FBF1: variants seen among roughly 807,000 people sequenced by gnomAD.
FBF1 encodes the protein Fas binding factor 1.
Under a neutral mutation model 147.2 loss-of-function variants are expected in FBF1, and 119 were observed. The ratio of observed to expected loss-of-function variants is 0.81; its 90% CI spans 0.70 to 0.94. The LOEUF (loss-of-function observed/expected upper bound fraction) is 0.94, where lower values mean the gene tolerates loss of function less well. Among genes scored for constraint, FBF1 ranks in the 40% least tolerant of loss-of-function variants. The pLI is 0.00. For synonymous variants in FBF1, 601 were observed against 609.0 expected (o/e 0.99, Z 0.19); for missense variants, 1,449 against 1,500.8 (o/e 0.97, Z 0.57).
intron 4 of FBF1, among the ~76,000 whole-genome samples, chr17:75,934,406 C>T (rs1016073450): frequency 1.3e-5 from 2 of 151,938 alleles, no homozygotes; most frequent in South Asian, 2.1e-4. Flanking sequence ...ACTAAAAATA[C>T]AAAAAGTAGC....
rs957078502 is a variant in FBF1 at position 75,920,334 on chromosome 17, G to A, written c.1770C>T (p.Pro590=). The change falls in exon 18 of 30, where the codon CCC becomes CCT. Residue 590 remains proline, a synonymous_variant. Coordinates refer to ENST00000636174, the MANE Select transcript of FBF1 (RefSeq NM_001319193.2). ...LAAQVQLQCS[P]AELQAELLHS... is the part of the protein sequence containing the mutation. ...GCAGCAGCTCGGCCTGGAGCTCAGC[G>A]GGGCTGCACTGAAGTTGCACCTGTG... 21 of 1,610,308 alleles carry A rather than the reference G, an allele frequency of 1.3e-5. No individual in the cohort carries two copies. Among genetic ancestry groups the A allele is most frequent in the African/African-American group, 6.7e-5 (5 of 74,876 alleles).
rs754597113 is a variant in FBF1 at position 75,917,926 on chromosome 17, C to T, written c.2386+5G>A. 2.1e-5 allele frequency: 33 copies of T among 1,594,360 alleles called. No individual in the cohort carries two copies. In the South Asian group the frequency reaches 2.5e-4, roughly 12 times the overall value. ...AGCCGGGGTGGCTGAGAGGGGAGGG[C>T]GTACCCCGCAGCTGCTCGTCACGCT... On this transcript the variant is annotated splice_donor_5th_base_variant and intron_variant, in intron 22 of 29. Coordinates refer to ENST00000636174, the MANE Select transcript of FBF1 (RefSeq NM_001319193.2).
In FBF1 at chr17:75,925,286, G is replaced by GA; in HGVS notation, c.968+60_968+61insT. ...GGTGGGACAGGGGACAGCTGCAGGGGCCTGTCTTCCCAGTGGCCGACCTGT... is the reference window on the plus strand; with the variant it reads ...GGTGGGACAGGGGACAGCTGCAGGGGACCTGTCTTCCCAGTGGCCGACCTGT... On this transcript the variant is annotated intron_variant, in intron 13 of 29. Transcript: ENST00000636174. The surrounding 1 kb of genome is among the most constrained non-coding windows in gnomAD (Gnocchi z 5.0). 1 of 1,325,160 alleles carries GA rather than the reference G, an allele frequency of 7.5e-7. No homozygotes were observed. The highest frequency in any genetic ancestry group is 1.1e-6 in the Non-Finnish European group (1 of 941,594). 82.1% of individuals were successfully genotyped at this position (1,325,160 alleles called of 1,614,324 possible).
intron 7 of FBF1, among the ~76,000 whole-genome samples, chr17:75,929,459 G>A (rs932485181): frequency 6.6e-6 from 1 of 152,190 alleles, no homozygotes; most frequent in African/African-American, 2.4e-5. Flanking sequence ...AAAACCCCAA[G>A]GGTCAGACAG....
In FBF1 at chr17:75,919,528, C is replaced by A. The variant is rs1451557079; in HGVS notation, c.2138+140G>T. 2 of 947,876 alleles carry A rather than the reference C, an allele frequency of 2.1e-6. No homozygotes were observed. Among genetic ancestry groups the A allele is most frequent in the Non-Finnish European group, 3.1e-6 (2 of 638,292 alleles). The allele number at this position is 947,876 out of a possible 1,614,324, so 58.7% of individuals were successfully genotyped here. A position where few individuals can be genotyped will look rare whatever the true frequency, so the allele number is the denominator to read the frequency against. On this transcript the variant is annotated intron_variant, in intron 20 of 29. Transcript: ENST00000636174. This position sits in a 1 kb window ranked among gnomAD's most constrained non-coding sequence, Gnocchi z 5.0. ...TGGGTCAGTGTGCTCAGCCCTCAGT[C>A]CTCACTCACTGGACTGGGAGGGAAG...
intron 17 of FBF1, 60 bp downstream of exon 17, chr17:75,921,184 C>T (rs947115790): frequency 2.2e-5 from 34 of 1,518,220 alleles, no homozygotes; most frequent in Non-Finnish European, 2.8e-5. Flanking sequence ...GGGTATTGCC[C>T]CTGGGCATGG....
At position 75,919,967 on chromosome 17, in the gene FBF1, T is replaced by G. The variant is rs1186334836; in HGVS notation, c.1931+40A>C. On this transcript the variant is annotated intron_variant, in intron 19 of 29. Transcript: ENST00000636174. This position sits in a 1 kb window ranked among gnomAD's most constrained non-coding sequence, Gnocchi z 5.0. Reference sequence around the variant, plus strand: ...CACACTGGGTGGCCTTTGGGGTCAGTGTGAGATCCAAGGCAGAGCTGGGGC... The same window carrying G: ...CACACTGGGTGGCCTTTGGGGTCAGGGTGAGATCCAAGGCAGAGCTGGGGC... 6.2e-7 allele frequency: 1 copy of G among 1,609,828 alleles called. No individual in the cohort carries two copies. The highest frequency in any genetic ancestry group is 1.1e-5 in the South Asian group (1 of 90,946).
chr17:75,935,187 C>T (rs541081127), intron 4 of FBF1, among the ~76,000 whole-genome samples: 93 of 143,768 alleles, frequency 6.5e-4, no homozygotes, highest in Non-Finnish European at 1.1e-3. Context: ...TTTTTTGAGA[C>T]GGAGTCTCGC....
intron 15 of FBF1, 117 bp downstream of exon 15, chr17:75,921,828 T>C (rs2144170328): frequency 1.1e-6 from 1 of 908,476 alleles, no homozygotes; most frequent in Non-Finnish European, 1.7e-6. Context: ...AGCCTCTGTG[T>C]GGGACACGGG....
rs61744136 is a variant in FBF1, at chr17:75,921,991, C to T, written c.1480G>A (p.Gly494Arg). Residue 494 changes from glycine to arginine, a missense_variant, in exon 15 of 30, where the codon GGA (glycine) becomes AGA (arginine). By Grantham distance (125) the Gly-to-Arg change is moderately radical (BLOSUM62 -2). Transcript: ENST00000636174. ...LEHAAAGGSS[G>R]TTARERPCVR... ...CACGGTCTTTCTCGTGCAGTTGTTC[C>T]AGAACTCCCTCCAGCAGCTGCGTGC... 1.1e-3 allele frequency: 1,775 copies of T among 1,551,680 alleles called. 14 individuals are homozygous for T. The Middle Eastern group carries it at 0.026, about 23-fold the overall frequency.
intron 4 of FBF1, among the ~76,000 whole-genome samples, chr17:75,935,188 G>A (rs1304155102): frequency 5.4e-5 from 8 of 147,778 alleles, no homozygotes; most frequent in African/African-American, 7.6e-5. Context: ...TTTTTGAGAC[G>A]GAGTCTCGCT....
chr17:75,927,029 C>T (rs1444234517), intron 9 of FBF1, among the ~76,000 whole-genome samples, 152 bp from the exon 10 acceptor site: 3 of 152,102 alleles, frequency 2.0e-5, no homozygotes, highest in African/African-American at 4.8e-5. Flanking sequence ...CCTGGGGCAA[C>T]GGGGACTCCA....
At position 75,918,212 on chromosome 17, in the gene FBF1, C is replaced by T. The variant is rs746412627; in HGVS notation, c.2196G>A (p.Leu732=). Residue 732 remains leucine, a synonymous_variant, in exon 21 of 30, where the codon CTG becomes CTA. Coordinates refer to ENST00000636174, the MANE Select transcript of FBF1 (RefSeq NM_001319193.2). The surrounding 1 kb of genome is among the most constrained non-coding windows in gnomAD (Gnocchi z 5.8). ...DHEEQLQRLK[L]LKDREVDAAT... is the part of the protein sequence containing the mutation. ...CCGCATCGACCTCTCGGTCCTTCAGCAGCTTTAGCCGCTGCAGCTGCTCCT... is the reference window on the plus strand; with the variant it reads ...CCGCATCGACCTCTCGGTCCTTCAGTAGCTTTAGCCGCTGCAGCTGCTCCT... 3.7e-6 allele frequency: 6 copies of T among 1,613,466 alleles called. No individual in the cohort carries two copies. Among genetic ancestry groups the T allele is most frequent in the Non-Finnish European group, 5.1e-6 (6 of 1,179,860 alleles).
At chr17:75,937,174 AT>A (rs879519217) in intron 3 of FBF1, among the ~76,000 whole-genome samples, 1,693 of 143,710 alleles carry the variant, frequency 0.012, 28 homozygotes, top group African/African-American at 0.034. Context: ...GATCAAAAAC[AT>A]TTTTTTTTTT....
Position 75,920,365 on chromosome 17 carries a change from A to AG in FBF1, c.1738dup (p.Leu580ProfsTer13). On this transcript the variant is annotated frameshift_variant, in exon 18 of 30. Transcript: ENST00000636174. LOFTEE classifies it high-confidence loss of function. Reference sequence around the variant, plus strand: ...GCACTGAAGTTGCACCTGTGCTGCCAGGAGCTGCTTCTGGTATTCTGTGCT... The same window carrying AG: ...GCACTGAAGTTGCACCTGTGCTGCCAGGGAGCTGCTTCTGGTATTCTGTGCT... 6.2e-7 allele frequency: 1 copy of AG among 1,606,272 alleles called. No homozygotes were observed. Among genetic ancestry groups the AG allele is most frequent in the South Asian group, 1.1e-5 (1 of 89,554 alleles).
At position 75,910,138 on chromosome 17, in the gene FBF1, G is replaced by A; in HGVS notation, c.*585C>T. The A allele has an allele frequency of 2.2e-6, 1 of 459,686 alleles. No homozygotes were observed. The highest frequency in any genetic ancestry group is 4.2e-6 in the Non-Finnish European group (1 of 237,644). The allele number at this position is 459,686 out of a possible 1,614,324, so 28.5% of individuals were successfully genotyped here. On this transcript the variant is annotated 3_prime_UTR_variant, in exon 30 of 30. Coordinates refer to ENST00000636174, the MANE Select transcript of FBF1 (RefSeq NM_001319193.2). The surrounding 1 kb of genome is among the most constrained non-coding windows in gnomAD (Gnocchi z 4.1). ...CTTCGGGCAATGCTGGGAATAGGGTGGGGGCTCTGGGCAAGCCCAGGAGGA... is the reference window on the plus strand; with the variant it reads ...CTTCGGGCAATGCTGGGAATAGGGTAGGGGCTCTGGGCAAGCCCAGGAGGA...
Position 75,921,531 on chromosome 17 carries a change from GA to G in FBF1, c.1555del (p.Ser519GlnfsTer98). 6.2e-7 allele frequency: 1 copy of G among 1,613,044 alleles called. No homozygotes were observed. Among genetic ancestry groups the G allele is most frequent in the Non-Finnish European group, 8.5e-7 (1 of 1,179,600 alleles). On this transcript the variant is annotated frameshift_variant, in exon 16 of 30. Transcript: ENST00000636174. LOFTEE classifies it high-confidence loss of function. ...CTTTGGGGAACCTGTAGGGAGTGCT[GA>G]GGCGGCATGGTTCTGAGTCACAGGG... ...GSPVTQNHAA[S>X]ALPTGSPKRG...
rs565673310 is a variant in FBF1 at position 75,923,819 on chromosome 17, C to G, written c.969-178G>C. On this transcript the variant is annotated intron_variant, in intron 13 of 29. Coordinates refer to ENST00000636174, the MANE Select transcript of FBF1 (RefSeq NM_001319193.2). The surrounding 1 kb of genome is among the most constrained non-coding windows in gnomAD (Gnocchi z 4.1). The stretch of plus-strand genomic sequence containing the variant: ...GCCACGTGCTGTCTGTAGAACACCA[C>G]GAAGTACAGAGACCTTGACTTCCAT... 4.6e-5 allele frequency among the ~76,000 whole-genome samples: 7 copies of G among 152,332 alleles called. No individual in the cohort carries two copies. The highest frequency in any genetic ancestry group is 1.4e-4 in the African/African-American group (6 of 41,560).
At position 75,921,516 on chromosome 17, in the gene FBF1, C is replaced by T. The variant is rs372400153; in HGVS notation, c.1571G>A (p.Gly524Asp). ...AGGGGCTGTTCCCCTCTTTGGGGAA[C>T]CTGTAGGGAGTGCTGAGGCGGCATG... ...QNHAASALPT[G>D]SPKRGTAPGD... is the part of the protein sequence containing the mutation. The change falls in exon 16 of 30, where the codon GGT (glycine) becomes GAT (aspartate). Residue 524 changes from glycine (G) to aspartate (D), a missense_variant. Coordinates refer to ENST00000636174, the MANE Select transcript of FBF1 (RefSeq NM_001319193.2). 6.2e-7 allele frequency: 1 copy of T among 1,613,242 alleles called. No homozygotes were observed. The highest frequency in any genetic ancestry group is 8.5e-7 in the Non-Finnish European group (1 of 1,179,670).
Sources: gnomAD v4.1 joint callset for allele counts (sites outside exome capture counted in the v4.1 genomes callset) on GRCh38, gnomAD v4.1.1 for gene constraint, Gnocchi (gnomAD v3.1) non-coding constraint, MANE v1.5 for transcripts, NCBI Gene and HGNC (gene_info 2026-07-23, HGNC 2026-07-21) for gene names.